The following COL15A1 variants were observed in gnomAD, a reference collection of about 807,000 sequenced individuals.
COL15A1 encodes collagen alpha-1(XV) chain.
A neutral mutation model predicts 165.9 loss-of-function variants in COL15A1; 111 were observed. That is an observed-to-expected ratio of 0.67 (90% CI 0.57 to 0.78). The LOEUF (loss-of-function observed/expected upper bound fraction) is 0.78. Ranked by LOEUF, COL15A1 falls within the 30% of genes least tolerant of loss-of-function variation. The probability of loss-of-function intolerance (pLI) is 0.00; values close to 1 mark genes in which losing one functional copy is unlikely to be tolerated. For missense variants in COL15A1, 1,745 were observed against 1,789.7 expected (o/e 0.98, Z 0.45); for synonymous variants, 659 against 674.8 (o/e 0.98, Z 0.36).
At chr9:98,984,213 C>T (rs1219657502) in intron 2 of COL15A1, among the ~76,000 whole-genome samples, 1 of 152,232 alleles carries the variant, frequency 6.6e-6, no homozygotes, top group Non-Finnish European at 1.5e-5. Context: ...GTCCTGGCTA[C>T]AGTGGTCTTG....
chr9:98,990,293 C>A (rs1838396287), intron 5 of COL15A1, among the ~76,000 whole-genome samples: 1 of 152,216 alleles, frequency 6.6e-6, no homozygotes, highest in Admixed American at 6.5e-5. Context: ...ACTGGGGTAA[C>A]AGCATGAGTC....
intron 16 of COL15A1, 84 bp downstream of exon 16, chr9:99,026,050 T>C: frequency 7.5e-7 from 1 of 1,329,934 alleles, no homozygotes; most frequent in Admixed American, 2.6e-5. Context: ...TGACCTTGCC[T>C]CTTATGTGAC....
At chr9:99,066,599 G>GTTTTTTTTTTTGTTTTTTTTTTTT (rs1825895496) in intron 39 of COL15A1, among the ~76,000 whole-genome samples, 1 of 71,082 alleles carries the variant, frequency 1.4e-5, no homozygotes, top group Admixed American at 1.6e-4. Context: ...ATTTTGTTCT[G>GTTTTTTTTTTTGTTTTTTTTTTTT]TTTTTTTTTT....
intron 5 of COL15A1, among the ~76,000 whole-genome samples, chr9:98,995,426 C>A (rs1054845892): frequency 6.6e-6 from 1 of 152,198 alleles, no homozygotes; most frequent in Non-Finnish European, 1.5e-5. Context: ...CACACAGCTG[C>A]CCCCACCACT....
At chr9:99,049,572 G>C in intron 28 of COL15A1, 118 bp from the exon 29 acceptor site, 1 of 1,273,478 alleles carries the variant, frequency 7.9e-7, no homozygotes, top group East Asian at 2.5e-5. Context: ...CAACCTGAGA[G>C]AGAAGTTGGT....
chr9:98,992,570 T>C (rs999890599), intron 5 of COL15A1, among the ~76,000 whole-genome samples: 2 of 152,260 alleles, frequency 1.3e-5, no homozygotes, highest in Non-Finnish European at 2.9e-5. Context: ...AGTGGTGGGC[T>C]GAAGGGCTCC....
In COL15A1 at chr9:99,010,683, T is replaced by C. The variant is rs146419880; in HGVS notation, c.1354-4734T>C. On this transcript the variant is annotated intron_variant, in intron 9 of 41. Transcript: ENST00000375001. The stretch of plus-strand genomic sequence containing the variant: ...ATAAACAGTTTGCTGTTCGATCATA[T>C]AGCCTCCAGTGGAATGCTGAGTTGG... Among the ~76,000 whole-genome samples the C allele has an allele frequency of 1.6e-3, 250 of 152,392 alleles. 1 individual carries two copies. Among genetic ancestry groups the C allele is most frequent in the African/African-American group, 5.8e-3 (242 of 41,596 alleles).
chr9:99,012,326 C>A (rs1317639711), intron 9 of COL15A1, among the ~76,000 whole-genome samples: 6 of 152,160 alleles, frequency 3.9e-5, no homozygotes, highest in Non-Finnish European at 5.9e-5. Flanking sequence ...CATACTCATA[C>A]AACCAAAAAT....
At chr9:99,056,530 C>T in intron 35 of COL15A1, 126 bp downstream of exon 35, 3 of 1,186,136 alleles carry the variant, frequency 2.5e-6, no homozygotes, top group Admixed American at 3.5e-5. Context: ...CGCCTTCTTT[C>T]TTTTTTTTTT....
At position 99,047,812 on chromosome 9, in the gene COL15A1, A is replaced by G. The variant is rs1839517912; in HGVS notation, c.2706A>G (p.Lys902=). 6.2e-6 allele frequency: 10 copies of G among 1,613,944 alleles called. No homozygotes were observed. Among genetic ancestry groups the G allele is most frequent in the Non-Finnish European group, 7.6e-6 (9 of 1,179,950 alleles). The part of the protein sequence containing the change: ...PMGPKGPPGH[K]GEFGLPGRPG... ...GGCCCAAAGGACCACCAGGACATAA[A>G]GGAGAATTTGGCCTTCCCGGGCGAC... is the stretch of plus-strand genomic sequence containing the variant. The change falls in exon 27 of 42, where the codon AAA becomes AAG. Residue 902 remains lysine, a synonymous_variant. Coordinates refer to ENST00000375001, the MANE Select transcript of COL15A1 (RefSeq NM_001855.5).
intron 5 of COL15A1, among the ~76,000 whole-genome samples, chr9:98,994,545 GTTTGT>G (rs1838511391): frequency 6.6e-6 from 1 of 152,116 alleles, no homozygotes; most frequent in East Asian, 1.9e-4. Context: ...CCGAATCATG[GTTTGT>G]TGCGTCTGGT....
chr9:99,035,552 A>G, intron 19 of COL15A1, 134 bp downstream of exon 19: 1 of 1,046,304 alleles, frequency 9.6e-7, no homozygotes, highest in South Asian at 1.4e-5. Context: ...CCAACTGTGC[A>G]ATAGGGAAAT....
At chr9:99,064,419 T>C (rs1247093073) in intron 39 of COL15A1, among the ~76,000 whole-genome samples, 1 of 152,158 alleles carries the variant, frequency 6.6e-6, no homozygotes, top group East Asian at 1.9e-4. Flanking sequence ...ATGGTGAGTC[T>C]GAGGTGCCTG....
chr9:98,960,459 A>T (rs1261430365), intron 2 of COL15A1, among the ~76,000 whole-genome samples: 5 of 152,166 alleles, frequency 3.3e-5, no homozygotes, highest in Non-Finnish European at 5.9e-5. Context: ...CCTGCCTCAG[A>T]CCCACAACAT....
At chr9:99,005,198 C>A in intron 9 of COL15A1, 148 bp downstream of exon 9, 2 of 844,734 alleles carry the variant, frequency 2.4e-6, no homozygotes, top group Non-Finnish European at 3.5e-6. Context: ...TGGAGTTTGC[C>A]AAGGCCTGGG....
chr9:98,990,852 A>G (rs540224654), intron 5 of COL15A1, among the ~76,000 whole-genome samples: 1 of 152,300 alleles, frequency 6.6e-6, no homozygotes, highest in Admixed American at 6.5e-5. Flanking sequence ...TCAAGAATGA[A>G]ACCACGGACC....
At chr9:99,026,225 A>G (rs1839121817) in intron 16 of COL15A1, among the ~76,000 whole-genome samples, 1 of 152,114 alleles carries the variant, frequency 6.6e-6, no homozygotes, top group South Asian at 2.1e-4. Flanking sequence ...CTGGAGCGAG[A>G]AATGGAATCT....
intron 7 of COL15A1, among the ~76,000 whole-genome samples, chr9:99,003,227 G>A (rs935413095): frequency 3.9e-5 from 6 of 152,358 alleles, no homozygotes; most frequent in Admixed American, 6.5e-5. Flanking sequence ...TGATTTCCGT[G>A]TTAATGGAGG....
chr9:99,047,896 G>T, intron 27 of COL15A1, 45 bp from the exon 28 acceptor site: 1 of 1,609,980 alleles, frequency 6.2e-7, no homozygotes, highest in East Asian at 2.2e-5. Context: ...GGCCAGGCTG[G>T]TCTGTGGGCG....
Sources: gnomAD v4.1 joint callset for allele counts (sites outside exome capture counted in the v4.1 genomes callset) on GRCh38, gnomAD v4.1.1 for gene constraint, MANE v1.5 for transcripts, NCBI Gene and HGNC (gene_info 2026-07-23, HGNC 2026-07-21) for gene names.